RASA3: variants seen among roughly 807,000 people sequenced by gnomAD.
RASA3 encodes RAS p21 protein activator 3, also known as ras GTPase-activating protein 3.
RASA3 carries 73 observed loss-of-function variants against 110.0 expected under a neutral mutation model. The observed-to-expected ratio is 0.66, with a 90% CI of 0.55 to 0.81. The LOEUF is 0.81. Ranked by LOEUF, RASA3 falls within the 30% of genes least tolerant of loss-of-function variation. RASA3 has a pLI of 0.00. For missense variants in RASA3, 976 were observed against 1,113.2 expected (o/e 0.88, Z 1.75); for synonymous variants, 500 against 451.4 (o/e 1.11, Z -1.37).
chr13:114,100,176 C>T (rs931995154), intron 1 of RASA3, among the ~76,000 whole-genome samples: 1 of 151,524 alleles, frequency 6.6e-6, no homozygotes, highest in Admixed American at 6.6e-5. Context: ...AATGGAGGAG[C>T]TCGCAGGAGA....
intron 2 of RASA3, among the ~76,000 whole-genome samples, chr13:114,060,226 GAGCCGAGGTCAGAGGTCAGGGTGC>G (rs1161832119): frequency 6.6e-6 from 1 of 152,222 alleles, no homozygotes; most frequent in Non-Finnish European, 1.5e-5. Context: ...AGCATGCTGG[GAGCCGAGGTCAGAGGTCAGGGTGC>G]AGCCGAGGTC....
intron 1 of RASA3, among the ~76,000 whole-genome samples, chr13:114,076,405 C>T (rs1262045094): frequency 6.6e-6 from 1 of 152,206 alleles, no homozygotes; most frequent in Admixed American, 6.5e-5. Context: ...TACGAGGCAC[C>T]TGGCTCCAGG....
At position 114,112,103 on chromosome 13, in the gene RASA3, C is replaced by CCCG. The variant is rs1555343912; in HGVS notation, c.55+20331_55+20332insCGG. Among the ~76,000 whole-genome samples the CCCG allele has an allele frequency of 6.6e-6, 1 of 151,816 alleles. No homozygotes were observed. The highest frequency in any genetic ancestry group is 1.5e-5 in the Non-Finnish European group (1 of 67,956). On this transcript the variant is annotated intron_variant, in intron 1 of 23. Coordinates refer to ENST00000334062, the MANE Select transcript of RASA3 (RefSeq NM_007368.4). The surrounding 1 kb of genome is among the most constrained non-coding windows in gnomAD (Gnocchi z 4.8). ...TGGAAACAGCAGCCCCCAGGCACCC[C>CCCG]CCCCAGCAACTGGGACAAGGGCACA...
At chr13:113,998,565 G>A (rs1449973372) in intron 20 of RASA3, among the ~76,000 whole-genome samples, 3 of 152,186 alleles carry the variant, frequency 2.0e-5, no homozygotes, top group South Asian at 2.1e-4. Context: ...CACGGACGGC[G>A]GGGTCACTGG....
intron 7 of RASA3, among the ~76,000 whole-genome samples, chr13:114,026,197 G>A (rs780564024): frequency 4.6e-5 from 7 of 152,126 alleles, no homozygotes; most frequent in Non-Finnish European, 8.8e-5. Context: ...GTGTGTGGCC[G>A]GGCAGTGGGC....
At chr13:114,035,350 C>T (rs1027784708) in intron 4 of RASA3, among the ~76,000 whole-genome samples, 2 of 152,232 alleles carry the variant, frequency 1.3e-5, no homozygotes, top group South Asian at 4.1e-4. Flanking sequence ...CGCTGCACTC[C>T]TGCGAACTCA....
At chr13:114,013,842 C>T (rs2053712947) in intron 14 of RASA3, among the ~76,000 whole-genome samples, 2 of 138,848 alleles carry the variant, frequency 1.4e-5, no homozygotes, top group Admixed American at 1.5e-4. Context: ...CTGTCTCTCT[C>T]TCCATCTCTC....
intron 9 of RASA3, among the ~76,000 whole-genome samples, chr13:114,019,421 GT>G (rs1246104933): frequency 1.3e-5 from 2 of 152,240 alleles, no homozygotes; most frequent in Admixed American, 1.3e-4. Flanking sequence ...ACCCCACGCA[GT>G]CACCCAGGAG....
chr13:114,066,953 C>T (rs2139642528), intron 2 of RASA3, among the ~76,000 whole-genome samples: 1 of 145,832 alleles, frequency 6.9e-6, no homozygotes, highest in South Asian at 2.3e-4. Context: ...ACGGGCCTCC[C>T]CACCTGGGCT....
chr13:114,018,381 C>A, intron 10 of RASA3, 129 bp from the exon 11 acceptor site: 1 of 1,262,356 alleles, frequency 7.9e-7, no homozygotes, highest in Non-Finnish European at 1.1e-6. Flanking sequence ...GAAACACACA[C>A]ATTCACAAAA....
At chr13:114,068,323 G>A (rs767069132) in intron 2 of RASA3, among the ~76,000 whole-genome samples, 35 of 152,396 alleles carry the variant, frequency 2.3e-4, no homozygotes, top group South Asian at 6.2e-4. Context: ...GCCTCCCTGA[G>A]CCAGGACTGT....
At chr13:114,094,160 T>C (rs765544245) in intron 1 of RASA3, among the ~76,000 whole-genome samples, 15 of 152,348 alleles carry the variant, frequency 9.8e-5, no homozygotes, top group Admixed American at 4.6e-4. Context: ...AGAGAGACTT[T>C]TGACTGTGCA....
At position 114,029,581 on chromosome 13, in the gene RASA3, TA is replaced by T. The variant is rs368981228; in HGVS notation, c.449+229del. Among the ~76,000 whole-genome samples, 83 of 44,064 alleles carry T rather than the reference TA, an allele frequency of 1.9e-3. 11 individuals carry two copies. Among genetic ancestry groups the T allele is most frequent in the African/African-American group, 2.6e-3 (25 of 9,672 alleles). 28.9% of individuals were successfully genotyped at this position (44,064 alleles called of 152,430 possible). A position where few individuals can be genotyped will look rare whatever the true frequency, so the allele number is the denominator to read the frequency against. ...CATCATCCTGGTGGGCCAGGACCTC[TA>T]AAACGGCGTCATCCTGGGGGCCAGG... is the stretch of plus-strand genomic sequence containing the variant. On this transcript the variant is annotated intron_variant, in intron 5 of 23. Coordinates refer to ENST00000334062, the MANE Select transcript of RASA3 (RefSeq NM_007368.4).
intron 18 of RASA3, among the ~76,000 whole-genome samples, chr13:114,002,217 G>A (rs545358413): frequency 1.3e-5 from 2 of 152,350 alleles, no homozygotes; most frequent in East Asian, 1.9e-4. Flanking sequence ...CTCGACAAGC[G>A]CACTCAGAAA....
At chr13:114,113,595 C>T (rs1257096472) in intron 1 of RASA3, among the ~76,000 whole-genome samples, 6 of 150,906 alleles carry the variant, frequency 4.0e-5, no homozygotes, top group Non-Finnish European at 5.9e-5. Context: ...CAGCTCACAC[C>T]GCATCCATCA....
rs1319923414 is a variant in RASA3, at chr13:113,997,451, CAA to C, written c.1933-714_1933-713del. ...CCTGGTGCTGTAGTCGGCGTTGACT[CAA>C]AGTTAGTTAAGCAGGGGGTGGGGGC... On this transcript the variant is annotated intron_variant, in intron 20 of 23. Coordinates refer to ENST00000334062, the MANE Select transcript of RASA3 (RefSeq NM_007368.4). Among the ~76,000 whole-genome samples the C allele has an allele frequency of 2.0e-5, 3 of 151,300 alleles. No homozygotes were observed. In the East Asian group the frequency reaches 5.8e-4, roughly 29 times the overall value.
chr13:114,130,054 C>T (rs1325281640), intron 1 of RASA3, among the ~76,000 whole-genome samples: 2 of 152,226 alleles, frequency 1.3e-5, no homozygotes, highest in Non-Finnish European at 2.9e-5. Flanking sequence ...TCATCCTCCA[C>T]TTCGCTTCTA....
intron 4 of RASA3, 84 bp from the exon 5 acceptor site, chr13:114,029,971 A>G: frequency 7.6e-7 from 1 of 1,313,538 alleles, no homozygotes; most frequent in Non-Finnish European, 1.1e-6. Context: ...GAAAGCCTAG[A>G]GGGCAAAGGG....
chr13:113,982,858 C>T (rs1418229530), intron 22 of RASA3, among the ~76,000 whole-genome samples: 4 of 152,208 alleles, frequency 2.6e-5, no homozygotes, highest in Non-Finnish European at 4.4e-5. Flanking sequence ...GAGACACTGG[C>T]GGGCTGCAGC....
Sources: gnomAD v4.1 joint callset for allele counts (sites outside exome capture counted in the v4.1 genomes callset) on GRCh38, gnomAD v4.1.1 for gene constraint, Gnocchi (gnomAD v3.1) non-coding constraint, MANE v1.5 for transcripts, NCBI Gene and HGNC (gene_info 2026-07-23, HGNC 2026-07-21) for gene names.